The following RGS7 variants were observed in gnomAD, a reference collection of about 807,000 sequenced individuals.
RGS7 encodes regulator of G-protein signaling 7.
A neutral mutation model predicts 81.1 loss-of-function variants in RGS7; 27 were observed. The ratio of observed to expected loss-of-function variants is 0.33; its 90% CI spans 0.25 to 0.46. The LOEUF (loss-of-function observed/expected upper bound fraction) is 0.46. Among genes scored for constraint, RGS7 ranks in the 20% least tolerant of loss-of-function variants. The probability of loss-of-function intolerance (pLI) is 1.00; values close to 1 mark genes in which losing one functional copy is unlikely to be tolerated. For synonymous variants in RGS7, 208 were observed against 207.7 expected (o/e 1.00, Z -0.01); for missense variants, 396 against 607.4 (o/e 0.65, Z 3.66).
At chr1:241,270,915 C>T (rs1314740365) in intron 2 of RGS7, among the ~76,000 whole-genome samples, 6 of 114 alleles carry the variant, frequency 0.053, no homozygotes, top group South Asian at 0.5. Context: ...CCCACCACCA[C>T]GCCCGCTAAT....
At chr1:241,315,095 T>TTC (rs1553317154) in intron 2 of RGS7, among the ~76,000 whole-genome samples, 40 of 139,400 alleles carry the variant, frequency 2.9e-4, no homozygotes, top group African/African-American at 9.6e-4. Context: ...GCTTTTTTTT[T>TTC]TTCTTCTTCT....
intron 4 of RGS7, among the ~76,000 whole-genome samples, chr1:240,958,674 T>C (rs1680844465): frequency 6.6e-6 from 1 of 152,170 alleles, no homozygotes; most frequent in Non-Finnish European, 1.5e-5. Flanking sequence ...TCAAACTGGA[T>C]CACTTAGTGA....
intron 2 of RGS7, among the ~76,000 whole-genome samples, chr1:241,316,587 T>C (rs2080892150): frequency 6.6e-6 from 1 of 152,232 alleles, no homozygotes; most frequent in Non-Finnish European, 1.5e-5. Context: ...GGTGAGGCAT[T>C]CTTGCATCCC....
intron 2 of RGS7, among the ~76,000 whole-genome samples, chr1:241,263,727 C>A (rs2077453095): frequency 6.6e-6 from 1 of 152,162 alleles, no homozygotes; most frequent in Non-Finnish European, 1.5e-5. Flanking sequence ...TGTACAATTA[C>A]AATGTGTCAA....
chr1:241,240,035 G>A (rs2076189966), intron 2 of RGS7, among the ~76,000 whole-genome samples: 1 of 152,148 alleles, frequency 6.6e-6, no homozygotes, highest in Non-Finnish European at 1.5e-5. Context: ...TAGAAACAGA[G>A]ACTGTCAGTG....
intron 3 of RGS7, among the ~76,000 whole-genome samples, chr1:241,081,095 TC>T (rs1430280908): frequency 6.6e-6 from 1 of 152,158 alleles, no homozygotes; most frequent in Middle Eastern, 3.2e-3. Context: ...GACCCTTGGG[TC>T]CCTTTAATGG....
Position 241,161,476 on chromosome 1 carries a change from ATAAC to A in RGS7, c.79-62718_79-62715del, listed in dbSNP as rs1199706754. 2.7e-5 allele frequency among the ~76,000 whole-genome samples: 4 copies of A among 148,668 alleles called. No homozygotes were observed. In the East Asian group the frequency reaches 7.9e-4, roughly 29 times the overall value. ...TGGCACAGTCCATGACACATTAATAATAACTAATATATAATAATTATATTATTAT... is the reference window on the plus strand; with the variant it reads ...TGGCACAGTCCATGACACATTAATAATAATATATAATAATTATATTATTAT... On this transcript the variant is annotated intron_variant, in intron 2 of 18. Coordinates refer to ENST00000440928, the MANE Select transcript of RGS7 (RefSeq NM_001364886.1).
intron 5 of RGS7, among the ~76,000 whole-genome samples, chr1:240,932,828 G>A (rs1675750595): frequency 8.3e-6 from 1 of 120,128 alleles, no homozygotes; most frequent in Admixed American, 8.4e-5. Flanking sequence ...TTTCTGATAT[G>A]CTATTTCTTA....
At chr1:240,801,959 G>A (rs1393014375) in intron 16 of RGS7, among the ~76,000 whole-genome samples, 1 of 152,110 alleles carries the variant, frequency 6.6e-6, no homozygotes, top group Non-Finnish European at 1.5e-5. Context: ...ATTCTATGCT[G>A]TCCAATACAG....
At chr1:240,886,953 A>G (rs12072500) in intron 6 of RGS7, among the ~76,000 whole-genome samples, 60,200 of 151,962 alleles carry the variant, frequency 0.4, 12,087 homozygotes, top group East Asian at 0.53. Flanking sequence ...CCTGTTAACT[A>G]TGATATTGGA....
At chr1:241,212,822 T>A (rs2074323268) in intron 2 of RGS7, among the ~76,000 whole-genome samples, 1 of 152,194 alleles carries the variant, frequency 6.6e-6, no homozygotes, top group Non-Finnish European at 1.5e-5. Flanking sequence ...CAGCTTTGTG[T>A]TCCAGATCAC....
Position 240,775,842 on chromosome 1 carries a change from T to A in RGS7, c.*378A>T. ...TTGACTGACTGAATTTTCAGTGAACTGTGTGTCTAACTGAAGCTTTGAGAG... is the reference window on the plus strand; with the variant it reads ...TTGACTGACTGAATTTTCAGTGAACAGTGTGTCTAACTGAAGCTTTGAGAG... On this transcript the variant is annotated 3_prime_UTR_variant, in exon 19 of 19. Transcript: ENST00000440928. 1 of 295,196 alleles carries A rather than the reference T, an allele frequency of 3.4e-6. No individual in the cohort carries two copies. Among genetic ancestry groups the A allele is most frequent in the Non-Finnish European group, 6.5e-6 (1 of 153,440 alleles). The allele number at this position is 295,196 out of a possible 1,614,324, so 18.3% of individuals were successfully genotyped here. A position where few individuals can be genotyped will look rare whatever the true frequency, so the allele number is the denominator to read the frequency against.
intron 6 of RGS7, among the ~76,000 whole-genome samples, chr1:240,918,714 C>T (rs1192374225): frequency 6.6e-6 from 1 of 151,628 alleles, no homozygotes; most frequent in African/African-American, 2.4e-5. Flanking sequence ...CTAAGCCAAA[C>T]AGAAGAAAAC....
chr1:240,851,532 A>AT (rs1203689225), intron 9 of RGS7, among the ~76,000 whole-genome samples: 2 of 152,188 alleles, frequency 1.3e-5, no homozygotes, highest in African/African-American at 2.4e-5. Flanking sequence ...TGAAAGAGTA[A>AT]TTTTGACTTT....
intron 9 of RGS7, among the ~76,000 whole-genome samples, chr1:240,838,956 G>A (rs112919262): frequency 1.2e-4 from 18 of 152,056 alleles, no homozygotes; most frequent in African/African-American, 3.9e-4. Flanking sequence ...TAGTAGAGAC[G>A]GGGTTTCACC....
At position 241,229,023 on chromosome 1, in the gene RGS7, C is replaced by G. The variant is rs570316670; in HGVS notation, c.78+126676G>C. Among the ~76,000 whole-genome samples the G allele has an allele frequency of 2.0e-5, 3 of 147,548 alleles. No homozygotes were observed. In the East Asian group the frequency reaches 6.0e-4, roughly 29 times the overall value. ...GGAAACCTCTGCACTATTTTTGCAACTTTTTGTAAGTCTAAAATTAGATCA... is the reference window on the plus strand; with the variant it reads ...GGAAACCTCTGCACTATTTTTGCAAGTTTTTGTAAGTCTAAAATTAGATCA... On this transcript the variant is annotated intron_variant, in intron 2 of 18. Transcript: ENST00000440928.
At chr1:240,777,857 A>G (rs1170489230) in intron 18 of RGS7, among the ~76,000 whole-genome samples, 1 of 150,774 alleles carries the variant, frequency 6.6e-6, no homozygotes, top group African/African-American at 2.4e-5. Flanking sequence ...CATCACCTTC[A>G]TGATCTAATG....
chr1:241,128,276 C>CAAA (rs58934562), intron 2 of RGS7, among the ~76,000 whole-genome samples: 129 of 115,264 alleles, frequency 1.1e-3, no homozygotes, highest in African/African-American at 3.8e-3. Context: ...GACTCCGTCT[C>CAAA]AAAAAAAAAA....
intron 2 of RGS7, among the ~76,000 whole-genome samples, chr1:241,137,609 C>T (rs73129632): frequency 0.013 from 1,926 of 152,262 alleles, 26 homozygotes; most frequent in African/African-American, 0.044. Flanking sequence ...TCACATTAGG[C>T]TCAATTCAGG....
Sources: gnomAD v4.1 joint callset for allele counts (sites outside exome capture counted in the v4.1 genomes callset) on GRCh38, gnomAD v4.1.1 for gene constraint, MANE v1.5 for transcripts, NCBI Gene and HGNC (gene_info 2026-07-23, HGNC 2026-07-21) for gene names.